Variants in DLG2 observed in about 807,000 individuals in gnomAD.
The protein encoded by DLG2 is discs large MAGUK scaffold protein 2.
DLG2 carries 45 observed loss-of-function variants against 132.5 expected under a neutral mutation model. The observed-to-expected ratio is 0.34, with a 90% CI of 0.27 to 0.44. The LOEUF is 0.44. Ranked by LOEUF, DLG2 falls within the 20% of genes least tolerant of loss-of-function variation. DLG2 has a pLI of 1.00. For missense variants in DLG2, 1,045 were observed against 1,196.9 expected (o/e 0.87, Z 1.87); for synonymous variants, 424 against 419.6 (o/e 1.01, Z -0.13).
At chr11:84,621,226 T>C (rs2099613345) in intron 6 of DLG2, among the ~76,000 whole-genome samples, 1 of 152,128 alleles carries the variant, frequency 6.6e-6, no homozygotes, top group Admixed American at 6.6e-5. Flanking sequence ...ATATTTTAGT[T>C]ATTAAATATA....
intron 19 of DLG2, among the ~76,000 whole-genome samples, chr11:83,595,717 C>T (rs17145672): frequency 0.018 from 2,716 of 152,074 alleles, 74 homozygotes; most frequent in African/African-American, 0.058. Flanking sequence ...ACCATCTAAC[C>T]GAAATGCAAG....
chr11:84,049,453 A>G lies in DLG2; in HGVS notation c.919+9862T>C, dbSNP rs889714792. The stretch of plus-strand genomic sequence containing the variant: ...GGCTTCACTCATACGGACTCTTCGC[A>G]GTTGAAAAACTGTCAGCTTCCATCT... On this transcript the variant is annotated intron_variant, in intron 11 of 27. Coordinates refer to ENST00000376104, the MANE Select transcript of DLG2 (RefSeq NM_001142699.3). 2.0e-4 allele frequency among the ~76,000 whole-genome samples: 31 copies of G among 151,884 alleles called. 1 individual carries two copies. The highest frequency in any genetic ancestry group is 4.4e-5 in the Non-Finnish European group (3 of 67,818).
At chr11:83,784,124 G>T (rs1405305189) in intron 18 of DLG2, among the ~76,000 whole-genome samples, 1 of 152,124 alleles carries the variant, frequency 6.6e-6, no homozygotes, top group Non-Finnish European at 1.5e-5. Flanking sequence ...CTAAAAGTAT[G>T]CCAATAAAAT....
chr11:83,532,869 C>T, intron 20 of DLG2, 86 bp from the exon 21 acceptor site: 1 of 1,124,348 alleles, frequency 8.9e-7, no homozygotes, highest in Non-Finnish European at 1.3e-6. Flanking sequence ...ATTTTTTCCT[C>T]CTATCCTTGA....
chr11:84,616,206 G>C (rs1169308786), intron 6 of DLG2, among the ~76,000 whole-genome samples: 1 of 152,020 alleles, frequency 6.6e-6, no homozygotes, highest in Admixed American at 6.6e-5. Context: ...GGAAGGAAGA[G>C]CTTGTGTTTC....
At chr11:84,782,553 T>C (rs527249496) in intron 6 of DLG2, among the ~76,000 whole-genome samples, 1 of 152,232 alleles carries the variant, frequency 6.6e-6, no homozygotes, top group Non-Finnish European at 1.5e-5. Context: ...CTGGAAGATC[T>C]ATGAATCCCG....
intron 9 of DLG2, among the ~76,000 whole-genome samples, chr11:84,150,446 T>C (rs1325630537): frequency 6.6e-6 from 1 of 152,222 alleles, no homozygotes; most frequent in African/African-American, 2.4e-5. Flanking sequence ...CTGAAGTGCT[T>C]CATCAGTTCT....
intron 7 of DLG2, among the ~76,000 whole-genome samples, chr11:84,359,244 T>A (rs1162936104): frequency 2.0e-5 from 3 of 151,862 alleles, no homozygotes; most frequent in Non-Finnish European, 4.4e-5. Flanking sequence ...ATGGTAAAAC[T>A]GAGAAATGAA....
chr11:84,347,372 T>C (rs2098543887), intron 7 of DLG2, among the ~76,000 whole-genome samples: 1 of 152,220 alleles, frequency 6.6e-6, no homozygotes, highest in South Asian at 2.1e-4. Context: ...CTACTTATAA[T>C]TTTTGTTAAG....
intron 6 of DLG2, among the ~76,000 whole-genome samples, chr11:85,033,526 C>T (rs142378397): frequency 6.6e-6 from 1 of 152,264 alleles, no homozygotes; most frequent in East Asian, 1.9e-4. Flanking sequence ...TATCTCATCG[C>T]CAACTGGCAA....
intron 4 of DLG2, among the ~76,000 whole-genome samples, chr11:85,220,905 T>A (rs184891510): frequency 1.3e-5 from 2 of 152,246 alleles, no homozygotes; most frequent in Admixed American, 1.3e-4. Flanking sequence ...ACTATCAAAC[T>A]ATTTTATTTA....
At chr11:85,189,646 A>G (rs995545759) in intron 4 of DLG2, among the ~76,000 whole-genome samples, 1 of 152,188 alleles carries the variant, frequency 6.6e-6, no homozygotes, top group Admixed American at 6.5e-5. Context: ...TTGAGGAATT[A>G]AAATTGTCTT....
intron 17 of DLG2, among the ~76,000 whole-genome samples, chr11:83,830,395 A>G (rs1476967580): frequency 4.6e-5 from 7 of 152,212 alleles, no homozygotes; most frequent in Admixed American, 4.6e-4. Flanking sequence ...TCTCACATGT[A>G]TGGAGGTTAA....
intron 3 of DLG2, among the ~76,000 whole-genome samples, chr11:85,292,919 T>C (rs565117078): frequency 6.6e-6 from 1 of 151,556 alleles, no homozygotes; most frequent in East Asian, 1.9e-4. Flanking sequence ...CTTTTTGTAC[T>C]AGAAAGTAAG....
chr11:83,860,941 A>T (rs889230874), intron 16 of DLG2, among the ~76,000 whole-genome samples: 1 of 152,198 alleles, frequency 6.6e-6, no homozygotes, highest in African/African-American at 2.4e-5. Context: ...GCCTGGTGCC[A>T]TCCATGTAAG....
At chr11:83,812,615 C>T (rs970563297) in intron 17 of DLG2, among the ~76,000 whole-genome samples, 1 of 152,098 alleles carries the variant, frequency 6.6e-6, no homozygotes, top group Non-Finnish European at 1.5e-5. Context: ...CTGTTTTGGT[C>T]TTAAACTTAG....
chr11:83,790,304 T>C (rs2041195994), intron 17 of DLG2: 4 of 921,622 alleles, frequency 4.3e-6, no homozygotes, highest in Admixed American at 1.9e-5. Flanking sequence ...TGTTTTACCA[T>C]GGGAGCGAAA....
At chr11:84,696,288 T>C (rs142214250) in intron 6 of DLG2, among the ~76,000 whole-genome samples, 22 of 151,678 alleles carry the variant, frequency 1.5e-4, no homozygotes, top group Non-Finnish European at 2.7e-4. Context: ...AGCACTTATG[T>C]ATGTCGTCTA....
chr11:85,189,439 A>C (rs2080359826), intron 4 of DLG2, among the ~76,000 whole-genome samples: 1 of 152,228 alleles, frequency 6.6e-6, no homozygotes, highest in Non-Finnish European at 1.5e-5. Context: ...ATTGATACAC[A>C]CGACAACTTG....
Sources: gnomAD v4.1 joint callset for allele counts (sites outside exome capture counted in the v4.1 genomes callset) on GRCh38, gnomAD v4.1.1 for gene constraint, MANE v1.5 for transcripts, NCBI Gene and HGNC (gene_info 2026-07-23, HGNC 2026-07-21) for gene names.